LNPK: variants seen among roughly 807,000 people sequenced by gnomAD.
LNPK encodes the protein lunapark, ER junction formation factor.
A neutral mutation model predicts 55.2 loss-of-function variants in LNPK; 29 were observed. The ratio of observed to expected loss-of-function variants is 0.53; its 90% CI spans 0.39 to 0.72. The LOEUF (loss-of-function observed/expected upper bound fraction) is 0.72. Ranked by LOEUF, LNPK falls within the 30% of genes least tolerant of loss-of-function variation. The pLI, the probability that LNPK is intolerant of heterozygous loss-of-function variation, is 0.00. For synonymous variants in LNPK, 162 were observed against 168.2 expected, an observed-to-expected ratio of 0.96 and a Z score of 0.29; for missense variants, 467 against 494.8, an observed-to-expected ratio of 0.94 and a Z score of 0.53.
chr2:176,002,406 A>T (rs941525614), upstream of LNPK: 12 of 348,008 alleles, frequency 3.4e-5, no homozygotes, highest in Admixed American at 7.8e-5. Flanking sequence ...CCGGGAGGTT[A>T]GGATCTTGTG....
At position 175,929,684 on chromosome 2, in the gene LNPK, A is replaced by G; in HGVS notation, c.*283T>C. ...ACATACAGAAAACAAGAAGGCAATC[A>G]TGTTTGCTTACTTTTAGAATGGACA... On this transcript the variant is annotated 3_prime_UTR_variant, in exon 13 of 13. Coordinates refer to ENST00000272748, the MANE Select transcript of LNPK (RefSeq NM_030650.3). 1 of 1,203,776 alleles carries G rather than the reference A, an allele frequency of 8.3e-7. No individual in the cohort carries two copies. The highest frequency in any genetic ancestry group is 3.0e-5 in the South Asian group (1 of 33,754). 74.6% of individuals were successfully genotyped at this position (1,203,776 alleles called of 1,614,324 possible).
chr2:175,956,885 C>T (rs1685721243), intron 8 of LNPK, among the ~76,000 whole-genome samples: 1 of 152,182 alleles, frequency 6.6e-6, no homozygotes, highest in Admixed American at 6.5e-5. Context: ...CATTTGCCTA[C>T]TCCATGCTGG....
At chr2:175,956,777 T>C (rs1306078446) in intron 8 of LNPK, among the ~76,000 whole-genome samples, 1 of 152,082 alleles carries the variant, frequency 6.6e-6, no homozygotes, top group African/African-American at 2.4e-5. Context: ...CCATAATCCA[T>C]TGTGATAATG....
chr2:175,945,510 G>GAAAAAAA (rs758611547), intron 9 of LNPK, among the ~76,000 whole-genome samples: 1 of 105,082 alleles, frequency 9.5e-6, no homozygotes, highest in Admixed American at 1.1e-4. Flanking sequence ...TGTCTCAAAA[G>GAAAAAAA]AAAAAAAAAA....
rs777249928 is a variant in LNPK, at chr2:175,938,289, A to G, written c.883+24T>C. The G allele has an allele frequency of 3.5e-5, 49 of 1,417,914 alleles. No individual in the cohort carries two copies. In the South Asian group the frequency reaches 5.7e-4, roughly 17 times the overall value. The allele number at this position is 1,417,914 out of a possible 1,614,324, so 87.8% of individuals were successfully genotyped here. On this transcript the variant is annotated intron_variant, in intron 11 of 12. Transcript: ENST00000272748. Reference sequence around the variant, plus strand: ...AAATATTTAAGCATAAAATATTTAAATCTCATTGCCCAATAATTCTTACCA... The same window carrying G: ...AAATATTTAAGCATAAAATATTTAAGTCTCATTGCCCAATAATTCTTACCA...
At chr2:175,986,577 G>A (rs993097214) in intron 4 of LNPK, among the ~76,000 whole-genome samples, 1 of 151,908 alleles carries the variant, frequency 6.6e-6, no homozygotes, top group African/African-American at 2.4e-5. Flanking sequence ...AAAGTTTTTG[G>A]ATGTTTTTAT....
intron 12 of LNPK, 44 bp from the exon 13 acceptor site, chr2:175,930,243 A>G: frequency 6.5e-7 from 1 of 1,531,310 alleles, no homozygotes; most frequent in Admixed American, 1.7e-5. Context: ...CCTGAACGTT[A>G]AAACTGCTAA....
At chr2:175,938,458 C>G in intron 10 of LNPK, 75 bp from the exon 11 acceptor site, 3 of 696,280 alleles carry the variant, frequency 4.3e-6, no homozygotes, top group Non-Finnish European at 7.2e-6. Flanking sequence ...ATTTAGCCAT[C>G]ATGGCTAATT....
rs779986396 is a variant in LNPK, at chr2:175,993,148, A to G, written c.69+34T>C. On this transcript the variant is annotated intron_variant, in intron 3 of 12. Transcript: ENST00000272748. ...CAATAATATTTACTTAATACCTAAA[A>G]TGAATTAAAATACCTCACAGCCAAA... The G allele has an allele frequency of 7.5e-6, 10 of 1,332,586 alleles. No individual in the cohort carries two copies. The African/African-American group carries it at 1.5e-4, about 20-fold the overall frequency. 82.5% of individuals were successfully genotyped at this position (1,332,586 alleles called of 1,614,324 possible).
At chr2:175,973,169 T>C (rs887255176) in intron 5 of LNPK, among the ~76,000 whole-genome samples, 3 of 152,204 alleles carry the variant, frequency 2.0e-5, no homozygotes, top group Admixed American at 1.3e-4. Context: ...AGAACCATTA[T>C]CAAGGCTGTA....
intron 4 of LNPK, among the ~76,000 whole-genome samples, chr2:175,989,198 GGA>G (rs1173275040): frequency 6.6e-6 from 1 of 152,144 alleles, no homozygotes; most frequent in East Asian, 1.9e-4. Context: ...CTACTTGTGG[GGA>G]GAGAGAGGAG....
rs1434551786 is a variant in LNPK, at chr2:175,925,017, A to C, written c.*4950T>G. The C allele has an allele frequency of 6.6e-6, 1 of 152,166 alleles. No homozygotes were observed. Among genetic ancestry groups the C allele is most frequent in the African/African-American group, 2.4e-5 (1 of 41,430 alleles). The allele number at this position is 152,166 out of a possible 1,614,324, so 9.4% of individuals were successfully genotyped here. ...AAAACACCTCCAGCAATGGGGATCA[A>C]ATTTCAACATGAGATTTGCAGGGGT... On this transcript the variant is annotated 3_prime_UTR_variant, in exon 13 of 13. Transcript: ENST00000272748.
intron 6 of LNPK, among the ~76,000 whole-genome samples, chr2:175,969,306 C>G (rs1267557394): frequency 6.6e-6 from 1 of 152,154 alleles, no homozygotes; most frequent in Non-Finnish European, 1.5e-5. Flanking sequence ...TGTTGTCAGA[C>G]TTAAAATGAA....
intron 8 of LNPK, among the ~76,000 whole-genome samples, chr2:175,958,982 A>G (rs914546299): frequency 6.6e-6 from 1 of 152,224 alleles, no homozygotes; most frequent in Non-Finnish European, 1.5e-5. Context: ...GTGATTGAAG[A>G]TCAAATGAAT....
At chr2:175,942,801 A>T (rs1327563959) in intron 9 of LNPK, among the ~76,000 whole-genome samples, 1 of 151,634 alleles carries the variant, frequency 6.6e-6, no homozygotes, top group Non-Finnish European at 1.5e-5. Context: ...CCCAAAGTAC[A>T]GAATAAAAGA....
chr2:175,975,010 AT>A (rs56951449), intron 5 of LNPK, among the ~76,000 whole-genome samples: 72,268 of 141,500 alleles, frequency 0.51, 18,106 homozygotes, highest in South Asian at 0.64. Context: ...AAGGTTTCTT[AT>A]TTTTTTTTTT....
chr2:175,994,168 ATAT>A (rs1687827967), intron 2 of LNPK: 1 of 980,804 alleles, frequency 1.0e-6, no homozygotes, highest in African/African-American at 1.7e-5. Context: ...AGGGTAATGA[ATAT>A]CAGTTCATTG....
At chr2:175,961,455 A>G (rs1372201493) in intron 8 of LNPK, among the ~76,000 whole-genome samples, 1 of 152,226 alleles carries the variant, frequency 6.6e-6, no homozygotes, top group Non-Finnish European at 1.5e-5. Flanking sequence ...CAAAAACCAC[A>G]TGATTATCTC....
intron 9 of LNPK, among the ~76,000 whole-genome samples, chr2:175,940,448 C>A (rs1684776905): frequency 6.6e-6 from 1 of 152,028 alleles, no homozygotes; most frequent in Non-Finnish European, 1.5e-5. Context: ...AAAAACTACT[C>A]AAAAAGGTGA....
Sources: allele counts gnomAD v4.1 joint callset (sites outside exome capture counted in the v4.1 genomes callset), GRCh38; gene constraint gnomAD v4.1.1; transcripts MANE v1.5; gene names NCBI Gene and HGNC (gene_info 2026-07-23, HGNC 2026-07-21).